Variants in HECW2 observed in about 807,000 individuals in gnomAD.
The protein encoded by HECW2 is E3 ubiquitin-protein ligase HECW2.
In HECW2, 61 loss-of-function variants were observed where a neutral mutation model predicts 175.2. That is an observed-to-expected ratio of 0.35 (90% CI 0.28 to 0.43). The LOEUF (loss-of-function observed/expected upper bound fraction) is 0.43. HECW2 is among the 20% of genes least tolerant of loss of function. The probability of loss-of-function intolerance (pLI) is 1.00; values close to 1 mark genes in which losing one functional copy is unlikely to be tolerated. For synonymous variants in HECW2, 671 were observed against 731.0 expected (o/e 0.92, Z 1.32); for missense variants, 1,524 against 2,000.5 (o/e 0.76, Z 4.54).
intron 2 of HECW2, among the ~76,000 whole-genome samples, chr2:196,417,785 G>A (rs1695293870): frequency 6.6e-6 from 1 of 152,190 alleles, no homozygotes. Flanking sequence ...AGTGAAAAGA[G>A]AAAAAGTGGC....
intron 1 of HECW2, among the ~76,000 whole-genome samples, chr2:196,514,728 C>CT (rs1452141927): frequency 2.0e-5 from 3 of 152,152 alleles, no homozygotes; most frequent in Non-Finnish European, 4.4e-5. Context: ...CCAAGGAGAG[C>CT]TGGACCCTCA....
chr2:196,389,773 T>C (rs575968934), intron 2 of HECW2, among the ~76,000 whole-genome samples: 2 of 152,290 alleles, frequency 1.3e-5, no homozygotes, highest in South Asian at 2.1e-4. Flanking sequence ...GTTTTCTTGG[T>C]AGTAAGAAAT....
intron 1 of HECW2, among the ~76,000 whole-genome samples, chr2:196,461,826 C>T (rs1266981318): frequency 1.3e-5 from 2 of 152,102 alleles, no homozygotes; most frequent in East Asian, 3.9e-4. Flanking sequence ...ACCACCTCCA[C>T]CTGGTCTCTC....
At chr2:196,557,674 A>C (rs934909691) in intron 1 of HECW2, among the ~76,000 whole-genome samples, 1 of 152,214 alleles carries the variant, frequency 6.6e-6, no homozygotes, top group Non-Finnish European at 1.5e-5. Flanking sequence ...AAATAAAATG[A>C]CATTAAAATC....
chr2:196,227,589 C>T (rs539691248), intron 22 of HECW2, among the ~76,000 whole-genome samples: 1 of 152,304 alleles, frequency 6.6e-6, no homozygotes, highest in South Asian at 2.1e-4. Flanking sequence ...TACACCAGCC[C>T]CACTGCCCAC....
At chr2:196,382,227 GTGTA>G (rs773216594) in intron 2 of HECW2, among the ~76,000 whole-genome samples, 122 of 133,716 alleles carry the variant, frequency 9.1e-4, no homozygotes, top group Non-Finnish European at 8.4e-4. Flanking sequence ...GTGTGTGTGT[GTGTA>G]TATATATATA....
chr2:196,540,040 T>G (rs543903296), intron 1 of HECW2, among the ~76,000 whole-genome samples: 3 of 152,210 alleles, frequency 2.0e-5, no homozygotes, highest in Admixed American at 1.3e-4. Context: ...TGGAGCACTA[T>G]GTATGTACTG....
At chr2:196,310,715 C>T (rs1435311883) in intron 10 of HECW2, among the ~76,000 whole-genome samples, 16 of 151,674 alleles carry the variant, frequency 1.1e-4, no homozygotes, top group Non-Finnish European at 2.2e-4. Context: ...TGTCTTGCCA[C>T]ATTGTCAAAT....
intron 2 of HECW2, among the ~76,000 whole-genome samples, chr2:196,417,922 A>T (rs1406793585): frequency 2.0e-5 from 3 of 152,194 alleles, no homozygotes. Flanking sequence ...AAGAAAAAAA[A>T]CCCTACTATT....
intron 1 of HECW2, among the ~76,000 whole-genome samples, chr2:196,546,834 A>AG (rs1018294678): frequency 6.6e-6 from 1 of 152,012 alleles, no homozygotes; most frequent in African/African-American, 2.4e-5. Context: ...AAAAAAAAAA[A>AG]AGAGAGAAAG....
intron 2 of HECW2, among the ~76,000 whole-genome samples, chr2:196,411,488 CA>C (rs1402678099): frequency 6.6e-6 from 1 of 152,220 alleles, no homozygotes; most frequent in East Asian, 1.9e-4. Flanking sequence ...AGGTCTTGTG[CA>C]AAGGAGGATG....
intron 2 of HECW2, chr2:196,362,073 A>G: frequency 1.0e-6 from 1 of 985,392 alleles, no homozygotes; most frequent in South Asian, 4.7e-5. Flanking sequence ...AATACTAGAC[A>G]GGATTCCGGC....
intron 1 of HECW2, among the ~76,000 whole-genome samples, chr2:196,434,189 T>G (rs1695802497): frequency 6.6e-6 from 1 of 152,220 alleles, no homozygotes; most frequent in Non-Finnish European, 1.5e-5. Flanking sequence ...TTATCCCCAG[T>G]GTCTACAACA....
At chr2:196,301,326 C>T (rs1018720711) in intron 13 of HECW2, among the ~76,000 whole-genome samples, 3 of 151,884 alleles carry the variant, frequency 2.0e-5, no homozygotes, top group Non-Finnish European at 4.4e-5. Flanking sequence ...TGAATAGTGC[C>T]GCAATGAACA....
chr2:196,276,661 G>A (rs547484106), intron 15 of HECW2, among the ~76,000 whole-genome samples: 5 of 152,260 alleles, frequency 3.3e-5, no homozygotes, highest in African/African-American at 1.2e-4. Context: ...GTGCCATTCA[G>A]TTCACCACTA....
chr2:196,347,058 A>AT (rs1241913900), intron 2 of HECW2, among the ~76,000 whole-genome samples: 18 of 148,690 alleles, frequency 1.2e-4, no homozygotes, highest in African/African-American at 4.2e-4. Context: ...TTATTTATTT[A>AT]TTTATTTTTT....
chr2:196,492,235 C>T (rs1017805056), intron 1 of HECW2, among the ~76,000 whole-genome samples: 12 of 152,120 alleles, frequency 7.9e-5, no homozygotes, highest in African/African-American at 2.7e-4. Context: ...ACAAAGGGGA[C>T]GCCACAGTGA....
At chr2:196,469,907 T>A (rs1433490327) in intron 1 of HECW2, among the ~76,000 whole-genome samples, 3 of 152,042 alleles carry the variant, frequency 2.0e-5, no homozygotes, top group Non-Finnish European at 4.4e-5. Context: ...GACTTTTTTT[T>A]ACAATGAATC....
intron 2 of HECW2, among the ~76,000 whole-genome samples, chr2:196,364,364 T>G (rs1693687465): frequency 6.6e-6 from 1 of 152,178 alleles, no homozygotes; most frequent in Admixed American, 6.5e-5. Flanking sequence ...CCACAGCAGT[T>G]GATGAATGTT....
Sources: allele counts gnomAD v4.1 joint callset (sites outside exome capture counted in the v4.1 genomes callset), GRCh38; gene constraint gnomAD v4.1.1; transcripts MANE v1.5; gene names NCBI Gene and HGNC (gene_info 2026-07-23, HGNC 2026-07-21).